Variants in CHD1L observed in about 807,000 individuals in gnomAD.
The protein encoded by CHD1L is ATP-dependent chromatin remodeler CHD1L.
In CHD1L, 118 loss-of-function variants were observed where a neutral mutation model predicts 115.9. That is an observed-to-expected ratio of 1.02 (90% CI 0.88 to 1.19). The LOEUF is 1.19. CHD1L is among the 50% of genes most tolerant of loss of function. The probability of loss-of-function intolerance (pLI) is 0.00; values close to 1 mark genes in which losing one functional copy is unlikely to be tolerated. For synonymous variants in CHD1L, 411 were observed against 387.1 expected (o/e 1.06, Z -0.72); for missense variants, 1,179 against 1,065.3 (o/e 1.11, Z -1.49).
At chr1:147,276,459 G>C (rs1678523038) in intron 14 of CHD1L, among the ~76,000 whole-genome samples, 1 of 152,192 alleles carries the variant, frequency 6.6e-6, no homozygotes, top group African/African-American at 2.4e-5. Context: ...CTTCTTGGCT[G>C]TTTGGGTTTG....
chr1:147,272,248 C>T lies in CHD1L; in HGVS notation c.1237C>T (p.Pro413Ser). 1 of 1,614,054 alleles carries T rather than the reference C, an allele frequency of 6.2e-7. No homozygotes were observed. Among genetic ancestry groups the T allele is most frequent in the East Asian group, 2.2e-5 (1 of 44,870 alleles). The change falls in exon 12 of 23, where the codon CCC becomes TCC. Residue 413 changes from proline (P) to serine (S), a missense_variant. By Grantham distance (74) the Pro-to-Ser change is moderately conservative. Transcript: ENST00000369258. ...GGCCATTAAGAACTTTGGACAGCAG[C>T]CCATTTTCGTTTTTCTCCTGAGTAC... ...HLAIKNFGQQ[P>S]IFVFLLSTRA...
chr1:147,186,395 G>C, the CHD1L span: 1 of 887,368 alleles, frequency 1.1e-6, no homozygotes, highest in East Asian at 1.2e-4. Flanking sequence ...TCTTATCTTA[G>C]ATACATACAA....
Position 147,293,134 on chromosome 1 carries a change from G to A in CHD1L, c.2392-474G>A, listed in dbSNP as rs587751271. 2.9e-3 allele frequency among the ~76,000 whole-genome samples: 274 copies of A among 94,108 alleles called. 1 individual carries two copies. The highest frequency in any genetic ancestry group is 7.6e-3 in the African/African-American group (257 of 33,694). The allele number at this position is 94,108 out of a possible 152,430, so 61.7% of individuals were successfully genotyped here. On this transcript the variant is annotated intron_variant, in intron 20 of 22. Coordinates refer to ENST00000369258, the MANE Select transcript of CHD1L (RefSeq NM_004284.6). ...AAGCTCCCTTGACACTCTCCAGCTC[G>A]CCCACTTAGGTTAGGATGGTTGAGA... is the stretch of plus-strand genomic sequence containing the variant.
intron 19 of CHD1L, 128 bp from the exon 20 acceptor site, chr1:147,291,352 AGT>A: frequency 1.4e-6 from 1 of 721,500 alleles, no homozygotes; most frequent in Non-Finnish European, 2.5e-6. Context: ...AGGCCAGGAA[AGT>A]GAGAAAGGGC....
the CHD1L span, chr1:147,175,254 A>C: frequency 2.0e-5 from 3 of 152,226 alleles, no homozygotes; most frequent in East Asian, 5.8e-4. Context: ...GAGTGACATA[A>C]AAACAAGTTC....
chr1:147,177,892 G>C, the CHD1L span, among the ~76,000 whole-genome samples: 1 of 151,878 alleles, frequency 6.6e-6, no homozygotes, highest in East Asian at 1.9e-4. Context: ...TTTTTTTTAA[G>C]TGCCTAAGTC....
intron 21 of CHD1L, among the ~76,000 whole-genome samples, chr1:147,294,105 G>A (rs375453728): frequency 3.7e-4 from 56 of 152,208 alleles, no homozygotes; most frequent in African/African-American, 1.1e-3. Flanking sequence ...GTTTTGTTTC[G>A]AAACCTAGTG....
intron 12 of CHD1L, chr1:147,272,523 G>A (rs1295657073): frequency 1.2e-5 from 4 of 342,088 alleles, no homozygotes; most frequent in Non-Finnish European, 2.1e-5. Context: ...AATCTGCTTT[G>A]ACCATTGACC....
rs782153724 is a variant in CHD1L at position 147,265,927 on chromosome 1, T to G, written c.740-5T>G. On this transcript the variant is annotated splice_polypyrimidine_tract_variant and splice_region_variant and intron_variant, in intron 7 of 22. Coordinates refer to ENST00000369258, the MANE Select transcript of CHD1L (RefSeq NM_004284.6). The stretch of plus-strand genomic sequence containing the variant: ...ACACTTCTTGTATTTTTTTTTCTTA[T>G]GTAGCAAGTGAACTGCACAAACTCT... The G allele has an allele frequency of 1.9e-6, 3 of 1,603,854 alleles. No homozygotes were observed. Among genetic ancestry groups the G allele is most frequent in the Non-Finnish European group, 2.5e-6 (3 of 1,176,544 alleles).
the CHD1L span, among the ~76,000 whole-genome samples, chr1:147,181,420 C>CA: frequency 2.0e-5 from 3 of 152,254 alleles, no homozygotes; most frequent in Admixed American, 6.5e-5. Context: ...AAAACCTCAT[C>CA]ACAGAGTGAA....
At chr1:147,225,249 C>A in the CHD1L span, 1 of 1,296,254 alleles carries the variant, frequency 7.7e-7, no homozygotes, top group Non-Finnish European at 1.0e-6. Flanking sequence ...CTGCAAGACC[C>A]AGAGCTGAGA....
At chr1:147,213,273 G>T in the CHD1L span, 1 of 1,548,700 alleles carries the variant, frequency 6.5e-7, no homozygotes, top group Admixed American at 1.9e-5. Context: ...TCACAGGCAT[G>T]GGTCAAGGGT....
the CHD1L span, among the ~76,000 whole-genome samples, chr1:147,209,392 C>G: frequency 1.4e-5 from 2 of 141,844 alleles, no homozygotes; most frequent in African/African-American, 5.3e-5. Flanking sequence ...GAGCCAAGAT[C>G]GCACCACTGC....
At chr1:147,206,773 A>G in the CHD1L span, among the ~76,000 whole-genome samples, 2 of 152,064 alleles carry the variant, frequency 1.3e-5, no homozygotes, top group African/African-American at 4.8e-5. Context: ...TGGGGTGGGA[A>G]GAGTGGGGAA....
At chr1:147,194,132 G>A in the CHD1L span, among the ~76,000 whole-genome samples, 434 of 152,210 alleles carry the variant, frequency 2.9e-3, no homozygotes, top group African/African-American at 8.9e-3. Flanking sequence ...TTATTATTGC[G>A]TGGGAGTCTA....
chr1:147,198,678 G>T, the CHD1L span, among the ~76,000 whole-genome samples: 1 of 151,626 alleles, frequency 6.6e-6, no homozygotes, highest in Non-Finnish European at 1.5e-5. Flanking sequence ...GTGAAACCCC[G>T]TCTGTATTAA....
At chr1:147,228,173 C>A in the CHD1L span, among the ~76,000 whole-genome samples, 1 of 151,670 alleles carries the variant, frequency 6.6e-6, no homozygotes, top group South Asian at 2.1e-4. Flanking sequence ...CCCCACCCCA[C>A]AACAGGCCCC....
intron 12 of CHD1L, among the ~76,000 whole-genome samples, chr1:147,273,548 C>T (rs1188952071): frequency 6.6e-6 from 1 of 152,170 alleles, no homozygotes; most frequent in African/African-American, 2.4e-5. Flanking sequence ...GCCATTTTCT[C>T]ATGTGATCAG....
the CHD1L span, among the ~76,000 whole-genome samples, chr1:147,195,294 A>T: frequency 6.6e-6 from 1 of 151,656 alleles, no homozygotes; most frequent in African/African-American, 2.4e-5. Flanking sequence ...AAACCCAAAT[A>T]ATTTTTTTTT....
Sources: allele counts gnomAD v4.1 joint callset (sites outside exome capture counted in the v4.1 genomes callset), GRCh38; gene constraint gnomAD v4.1.1; transcripts MANE v1.5; gene names NCBI Gene and HGNC (gene_info 2026-07-23, HGNC 2026-07-21).